HERC3: variants seen among roughly 807,000 people sequenced by gnomAD.
HERC3 encodes probable E3 ubiquitin-protein ligase HERC3.
Under a neutral mutation model 129.9 loss-of-function variants are expected in HERC3, and 58 were observed. The observed-to-expected ratio is 0.45, with a 90% confidence interval of 0.36 to 0.56. HERC3 has a LOEUF of 0.56. HERC3 is among the 20% of genes least tolerant of loss of function. HERC3 has a pLI of 0.00. For synonymous variants in HERC3, 430 were observed against 451.0 expected, an observed-to-expected ratio of 0.95 and a Z score of 0.59; for missense variants, 835 against 1,244.2, an observed-to-expected ratio of 0.67 and a Z score of 4.95.
chr4:88,662,079 A>G (rs925499554), intron 10 of HERC3, among the ~76,000 whole-genome samples: 4 of 152,160 alleles, frequency 2.6e-5, no homozygotes. Flanking sequence ...GGAGGGGTTG[A>G]AATGCAATTC....
At chr4:88,659,347 CTCTT>C (rs750862165) in intron 10 of HERC3, among the ~76,000 whole-genome samples, 2 of 152,194 alleles carry the variant, frequency 1.3e-5, no homozygotes, top group Non-Finnish European at 2.9e-5. Flanking sequence ...AAACCAGGGG[CTCTT>C]TCTGTCTTGG....
the HERC3 span, among the ~76,000 whole-genome samples, chr4:88,585,006 T>C: frequency 1.3e-5 from 2 of 152,222 alleles, no homozygotes. Flanking sequence ...TTATTTCTCA[T>C]AGTTCTGGAG....
intron 3 of HERC3, among the ~76,000 whole-genome samples, chr4:88,617,731 C>T (rs889851929): frequency 5.3e-5 from 8 of 152,062 alleles, no homozygotes; most frequent in African/African-American, 9.6e-5. Context: ...ATTAGCAGGG[C>T]GTGGTGGTGG....
rs539928888 is a variant in HERC3 at position 88,643,862 on chromosome 4, C to T, written c.227-5978C>T. Among the ~76,000 whole-genome samples the T allele has an allele frequency of 2.2e-4, 34 of 152,164 alleles. No homozygotes were observed. In the South Asian group the frequency reaches 7.0e-3, roughly 32 times the overall value. On this transcript the variant is annotated intron_variant, in intron 3 of 25. Coordinates refer to ENST00000402738, the MANE Select transcript of HERC3 (RefSeq NM_014606.3). ...GAGTTCTTAGACATGACACCAAAAA[C>T]ATAATCCATAAAGGAAAAAGTTGTT...
chr4:88,685,911 C>CT (rs1417782053), intron 21 of HERC3, among the ~76,000 whole-genome samples: 2 of 151,996 alleles, frequency 1.3e-5, no homozygotes, highest in Non-Finnish European at 2.9e-5. Flanking sequence ...AAAAGAAGCT[C>CT]TTTTTTCACT....
At chr4:88,575,310 A>T in the HERC3 span, among the ~76,000 whole-genome samples, 1 of 152,216 alleles carries the variant, frequency 6.6e-6, no homozygotes, top group Admixed American at 6.5e-5. Flanking sequence ...TAATGTGATT[A>T]TGCTAAAAAC....
chr4:88,687,084 T>G, intron 22 of HERC3, 133 bp from the exon 23 acceptor site: 1 of 694,056 alleles, frequency 1.4e-6, no homozygotes, highest in South Asian at 2.0e-5. Flanking sequence ...CAAGTTCTGA[T>G]TATTCTCCCA....
intron 1 of HERC3, among the ~76,000 whole-genome samples, chr4:88,595,000 G>A (rs1722186404): frequency 6.6e-6 from 1 of 150,920 alleles, no homozygotes; most frequent in Non-Finnish European, 1.5e-5. Context: ...TACTTGGGAG[G>A]CTGAGGCAGG....
chr4:88,658,971 C>T (rs976207310), intron 10 of HERC3, among the ~76,000 whole-genome samples: 6 of 152,148 alleles, frequency 3.9e-5, no homozygotes, highest in African/African-American at 9.7e-5. Flanking sequence ...CCAAAATTTC[C>T]CTTCCATTGT....
intron 23 of HERC3, chr4:88,697,103 T>A: frequency 9.0e-7 from 1 of 1,110,016 alleles, no homozygotes; most frequent in Non-Finnish European, 1.3e-6. Flanking sequence ...CACATTGTAT[T>A]TTGGTCAAAA....
chr4:88,531,790 C>T, the HERC3 span, among the ~76,000 whole-genome samples: 4 of 152,178 alleles, frequency 2.6e-5, no homozygotes, highest in African/African-American at 9.7e-5. Flanking sequence ...CAGGTTCTGA[C>T]AGACACAGGA....
At chr4:88,625,148 GT>G (rs1167482268) in intron 3 of HERC3, among the ~76,000 whole-genome samples, 1 of 151,866 alleles carries the variant, frequency 6.6e-6, no homozygotes, top group East Asian at 1.9e-4. Context: ...CTACACCTTT[GT>G]TTTTATTTTT....
At chr4:88,626,451 G>A (rs553874202) in intron 3 of HERC3, among the ~76,000 whole-genome samples, 1 of 151,796 alleles carries the variant, frequency 6.6e-6, no homozygotes, top group South Asian at 2.1e-4. Flanking sequence ...TTCTTTGTGG[G>A]GATATTTTAT....
the HERC3 span, among the ~76,000 whole-genome samples, chr4:88,544,288 G>A: frequency 6.6e-6 from 1 of 152,116 alleles, no homozygotes; most frequent in African/African-American, 2.4e-5. Context: ...CTCAAAAGAA[G>A]ACATTTGTGC....
chr4:88,690,265 ATTC>A (rs1733939677), intron 23 of HERC3: 1 of 978,866 alleles, frequency 1.0e-6, no homozygotes, highest in Non-Finnish European at 1.2e-6. Flanking sequence ...CAGGCTTTTT[ATTC>A]CATATAGTCA....
At chr4:88,539,921 A>G in the HERC3 span, among the ~76,000 whole-genome samples, 1 of 152,092 alleles carries the variant, frequency 6.6e-6, no homozygotes, top group Non-Finnish European at 1.5e-5. Flanking sequence ...CCACACCAAA[A>G]CTCTATCTGT....
At chr4:88,656,720 G>A (rs1469219647) in intron 9 of HERC3, 1 of 152,148 alleles carries the variant, frequency 6.6e-6, no homozygotes, top group East Asian at 1.9e-4. Flanking sequence ...TATTGTTGTT[G>A]CTAATAATGA....
intron 11 of HERC3, 101 bp from the exon 12 acceptor site, chr4:88,664,052 A>T: frequency 1.1e-6 from 1 of 914,478 alleles, no homozygotes; most frequent in Non-Finnish European, 1.6e-6. Flanking sequence ...AGCTGCTATT[A>T]ATGAAATCCT....
At chr4:88,553,085 A>T in the HERC3 span, among the ~76,000 whole-genome samples, 1 of 152,232 alleles carries the variant, frequency 6.6e-6, no homozygotes, top group East Asian at 1.9e-4. Context: ...TGGATGGTGT[A>T]GCTGAAATCT....
Sources: gnomAD v4.1 joint callset for allele counts (sites outside exome capture counted in the v4.1 genomes callset) on GRCh38, gnomAD v4.1.1 for gene constraint, MANE v1.5 for transcripts, NCBI Gene and HGNC (gene_info 2026-07-23, HGNC 2026-07-21) for gene names.